The following ZNF736 variants were observed in gnomAD, a reference collection of about 807,000 sequenced individuals.
ZNF736 encodes the protein KRAB-containing zinc-finger repressor protein.
ZNF736 carries 6 observed loss-of-function variants against 11.7 expected under a neutral mutation model. That is an observed-to-expected ratio of 0.51 (90% CI 0.28 to 1.01). The LOEUF (loss-of-function observed/expected upper bound fraction) is 1.01. Among genes scored for constraint, ZNF736 ranks in the 50% least tolerant of loss-of-function variants. ZNF736 has a pLI of 0.09. For synonymous variants in ZNF736, 139 were observed against 164.7 expected (o/e 0.84, Z 1.19); for missense variants, 444 against 496.0 (o/e 0.90, Z 1.00).
chr7:64,333,712 A>G (rs1006658410), intron 1 of ZNF736, among the ~76,000 whole-genome samples: 1 of 152,192 alleles, frequency 6.6e-6, no homozygotes, highest in African/African-American at 2.4e-5. Context: ...GAAAATGGCA[A>G]TACTACCCAA....
At chr7:64,324,190 TAAC>T (rs1789046239) in intron 1 of ZNF736, among the ~76,000 whole-genome samples, 1 of 152,230 alleles carries the variant, frequency 6.6e-6, no homozygotes, top group African/African-American at 2.4e-5. Context: ...CATGCTATAA[TAAC>T]TTCTCACAAT....
chr7:64,325,507 G>A (rs1789071542), intron 1 of ZNF736, among the ~76,000 whole-genome samples: 1 of 152,126 alleles, frequency 6.6e-6, no homozygotes, highest in Non-Finnish European at 1.5e-5. Flanking sequence ...TGTACCCAAT[G>A]CCACTCGTCG....
rs1290382486 is a variant in ZNF736 at position 64,349,018 on chromosome 7, T to G, written c.1155T>G (p.Thr385=). Residue 385 remains threonine, a synonymous_variant, in exon 4 of 4, where the codon ACT becomes ACG. Transcript: ENST00000423484. The part of the protein sequence containing the change: ...SKTFKCFSDL[T]NHKRIHTGEK... The stretch of plus-strand genomic sequence containing the variant: ...CCTTTAAGTGCTTCTCAGACCTGAC[T>G]AATCATAAGAGAATTCACACTGGAG... 1 of 1,601,630 alleles carries G rather than the reference T, an allele frequency of 6.2e-7. No homozygotes were observed. The highest frequency in any genetic ancestry group is 1.3e-5 in the African/African-American group (1 of 74,546).
intron 1 of ZNF736, among the ~76,000 whole-genome samples, chr7:64,315,983 C>T (rs1788911300): frequency 6.6e-6 from 1 of 152,164 alleles, no homozygotes. Flanking sequence ...CCTGACACTG[C>T]GCATCTCCTC....
chr7:64,333,671 C>T (rs62463907), intron 1 of ZNF736, among the ~76,000 whole-genome samples: 12 of 148,546 alleles, frequency 8.1e-5, no homozygotes, highest in African/African-American at 2.0e-4. Flanking sequence ...AAAAAAAATC[C>T]GTGCTCATGG....
At chr7:64,343,522 A>G (rs1789367979) in intron 3 of ZNF736, among the ~76,000 whole-genome samples, 1 of 152,198 alleles carries the variant, frequency 6.6e-6, no homozygotes, top group Non-Finnish European at 1.5e-5. Flanking sequence ...TAATATACCC[A>G]TGTAACAAAC....
chr7:64,337,032 C>A, intron 3 of ZNF736, 50 bp downstream of exon 3: 1 of 1,492,556 alleles, frequency 6.7e-7, no homozygotes, highest in South Asian at 1.2e-5. Context: ...ATCCCAATGT[C>A]AAGGAGGAAG....
At chr7:64,345,801 T>G (rs1287443813) in intron 3 of ZNF736, among the ~76,000 whole-genome samples, 3 of 151,902 alleles carry the variant, frequency 2.0e-5, no homozygotes, top group Non-Finnish European at 4.4e-5. Context: ...GCTTTTCTTC[T>G]GTTACTGATT....
In ZNF736 at chr7:64,355,911, A is replaced by G. The variant is rs1255224251; in HGVS notation, c.*6764A>G. On this transcript the variant is annotated 3_prime_UTR_variant, in exon 4 of 4. Transcript: ENST00000423484. ...TGTGTGTCAAGATTGTCTTCTTAGGACCTGGCAGGATCAGCCTTCAGTTCT... is the reference window on the plus strand; with the variant it reads ...TGTGTGTCAAGATTGTCTTCTTAGGGCCTGGCAGGATCAGCCTTCAGTTCT... The G allele has an allele frequency of 2.1e-5, 4 of 192,022 alleles. No homozygotes were observed. The highest frequency in any genetic ancestry group is 4.7e-5 in the African/African-American group (2 of 42,614). 11.9% of individuals were successfully genotyped at this position (192,022 alleles called of 1,614,324 possible).
chr7:64,340,558 G>A (rs984761508), intron 3 of ZNF736, among the ~76,000 whole-genome samples: 2 of 152,034 alleles, frequency 1.3e-5, no homozygotes, highest in Admixed American at 1.3e-4. Flanking sequence ...CCCTCTCCTT[G>A]AAAAACAAAA....
intron 3 of ZNF736, among the ~76,000 whole-genome samples, chr7:64,338,099 G>A (rs1174514675): frequency 2.0e-5 from 3 of 152,048 alleles, no homozygotes; most frequent in Admixed American, 1.3e-4. Context: ...TATTTTAAAC[G>A]ACATCGTTTT....
chr7:64,337,761 T>TTTTTTTTTTTTTG (rs1789279090), intron 3 of ZNF736, among the ~76,000 whole-genome samples: 1 of 134,426 alleles, frequency 7.4e-6, no homozygotes, highest in African/African-American at 2.7e-5. Flanking sequence ...TTTTGGTTTT[T>TTTTTTTTTTTTTG]TTTTTTTTTT....
At position 64,348,772 on chromosome 7, in the gene ZNF736, T is replaced by G; in HGVS notation, c.909T>G (p.His303Gln). The change falls in exon 4 of 4, where the codon CAT (histidine) becomes CAG (glutamine). Residue 303 changes from histidine (H) to glutamine (Q), a missense_variant. His to Gln is a conservative substitution (Grantham distance 24, BLOSUM62 0). Coordinates refer to ENST00000423484, the MANE Select transcript of ZNF736 (RefSeq NM_001170905.3). ...GGTGGTTCTCAGACCTTGCTAAACA[T>G]AAGATAATTCATACTGGAGACAAAC... ...AYRWFSDLAK[H>Q]KIIHTGDKPY... The G allele has an allele frequency of 6.3e-7, 1 of 1,590,810 alleles. No individual in the cohort carries two copies. The highest frequency in any genetic ancestry group is 2.3e-5 in the East Asian group (1 of 43,590).
intron 3 of ZNF736, among the ~76,000 whole-genome samples, chr7:64,339,015 G>A (rs1229632903): frequency 6.6e-6 from 1 of 151,646 alleles, no homozygotes; most frequent in Non-Finnish European, 1.5e-5. Flanking sequence ...GATATTAGCA[G>A]TCCTAACAGG....
chr7:64,333,034 A>C (rs1789192986), intron 1 of ZNF736, among the ~76,000 whole-genome samples: 1 of 152,192 alleles, frequency 6.6e-6, no homozygotes, highest in Non-Finnish European at 1.5e-5. Context: ...GGTGACATAC[A>C]TCCTCAGCTT....
Position 64,330,257 on chromosome 7 carries a change from C to T in ZNF736, c.4-6002C>T, listed in dbSNP as rs368482471. The stretch of plus-strand genomic sequence containing the variant: ...CTGCAAGCTCCGCCTCCCGGGTTCC[C>T]GCCATTCTCCTGCCTCAGCCTCCCA... On this transcript the variant is annotated intron_variant, in intron 1 of 3. Transcript: ENST00000423484. Among the ~76,000 whole-genome samples the T allele has an allele frequency of 3.4e-3, 516 of 152,124 alleles. 3 individuals carry two copies. The highest frequency in any genetic ancestry group is 0.011 in the African/African-American group (441 of 41,534).
At position 64,349,453 on chromosome 7, in the gene ZNF736, A is replaced by G. The variant is rs1789457285; in HGVS notation, c.*306A>G. 1 of 229,964 alleles carries G rather than the reference A, an allele frequency of 4.3e-6. No individual in the cohort carries two copies. The highest frequency in any genetic ancestry group is 5.0e-5 in the Admixed American group (1 of 19,842). The allele number at this position is 229,964 out of a possible 1,614,324, so 14.2% of individuals were successfully genotyped here. ...TTGGTAGGCTTTTCTTTTTCCCTTTATTTTGAGCTTATTTGAGATGGGTGT... is the reference window on the plus strand; with the variant it reads ...TTGGTAGGCTTTTCTTTTTCCCTTTGTTTTGAGCTTATTTGAGATGGGTGT... On this transcript the variant is annotated 3_prime_UTR_variant, in exon 4 of 4. Coordinates refer to ENST00000423484, the MANE Select transcript of ZNF736 (RefSeq NM_001170905.3).
chr7:64,345,856 T>C (rs1789403801), intron 3 of ZNF736, among the ~76,000 whole-genome samples: 1 of 152,132 alleles, frequency 6.6e-6, no homozygotes, highest in Non-Finnish European at 1.5e-5. Flanking sequence ...TCCGTAAAAT[T>C]TCAATTAAAA....
In ZNF736 at chr7:64,348,159, T is replaced by G. The variant is rs1789436295; in HGVS notation, c.296T>G (p.Ile99Ser). ...ATAAAAGATTCATTTCAAAAAGTGA[T>G]TCTGAGAAAATATGGAAGCTGTGAC... ...HDIKDSFQKV[I>S]LRKYGSCDLN... is the part of the protein sequence containing the mutation. The change falls in exon 4 of 4, where the codon ATT becomes AGT. Residue 99 changes from isoleucine to serine, a missense_variant. Physicochemically the swap from Ile to Ser is moderately radical, Grantham distance 142. Transcript: ENST00000423484. 1.3e-6 allele frequency: 2 copies of G among 1,549,372 alleles called. No homozygotes were observed. The highest frequency in any genetic ancestry group is 2.7e-5 in the African/African-American group (2 of 72,874).
Sources: allele counts gnomAD v4.1 joint callset (sites outside exome capture counted in the v4.1 genomes callset), GRCh38; gene constraint gnomAD v4.1.1; transcripts MANE v1.5; gene names NCBI Gene and HGNC (gene_info 2026-07-23, HGNC 2026-07-21).